FBXO11: variants seen among roughly 807,000 people sequenced by gnomAD.
FBXO11 encodes the protein F-box protein 11.
A neutral mutation model predicts 117.0 loss-of-function variants in FBXO11; 13 were observed. The observed-to-expected ratio is 0.11, with a 90% CI of 0.07 to 0.18. The LOEUF (loss-of-function observed/expected upper bound fraction) is 0.18. FBXO11 is among the 10% of genes least tolerant of loss of function. FBXO11 has a pLI of 1.00. For synonymous variants in FBXO11, 490 were observed against 380.5 expected (o/e 1.29, Z -3.35); for missense variants, 767 against 1,164.4 (o/e 0.66, Z 4.97).
intron 1 of FBXO11, among the ~76,000 whole-genome samples, chr2:47,851,813 G>A (rs2103654398): frequency 6.6e-6 from 1 of 152,270 alleles, no homozygotes; most frequent in East Asian, 1.9e-4. Context: ...GAGCAAGAGT[G>A]AAGTATGAAA....
Position 47,839,429 on chromosome 2 carries a change from T to C in FBXO11, c.432A>G (p.Gln144=), listed in dbSNP as rs746685531. Residue 144 remains glutamine, a synonymous_variant, in exon 3 of 23, where the codon CAA becomes CAG. Coordinates refer to ENST00000403359, the MANE Select transcript of FBXO11 (RefSeq NM_001190274.2). ...AKRARVSGKS[Q]DLSAAPAEQY... ...TCCCACAGGAAATACCTGATAGATC[T>C]TGTGATTTTCCAGACACTCTTGCAC... The C allele has an allele frequency of 1.9e-6, 3 of 1,612,804 alleles. No individual in the cohort carries two copies. The South Asian group carries it at 3.3e-5, about 18-fold the overall frequency.
At position 47,906,186 on chromosome 2, in the gene FBXO11, GAGAA is replaced by G. The variant is rs1678802271; in HGVS notation, c.-470_-467del. ...TGAGGAAGGGAGAAAAAGAGAGGGA[GAGAA>G]GGGAGGGAGGGAGCAGGGGGCGCCC... On this transcript the variant is annotated 5_prime_UTR_variant, in exon 1 of 23. Coordinates refer to ENST00000403359, the MANE Select transcript of FBXO11 (RefSeq NM_001190274.2). The G allele has an allele frequency of 5.8e-6, 1 of 173,554 alleles. No homozygotes were observed. Among genetic ancestry groups the G allele is most frequent in the African/African-American group, 2.4e-5 (1 of 41,536 alleles). The allele number at this position is 173,554 out of a possible 1,614,324, so 10.8% of individuals were successfully genotyped here.
chr2:47,811,872 G>T (rs1670637836), intron 18 of FBXO11, among the ~76,000 whole-genome samples: 1 of 152,200 alleles, frequency 6.6e-6, no homozygotes. Flanking sequence ...CTCCAGAGCA[G>T]CTGGAAGTAC....
chr2:47,864,753 A>G (rs920580503), intron 1 of FBXO11, among the ~76,000 whole-genome samples: 1 of 152,240 alleles, frequency 6.6e-6, no homozygotes, highest in African/African-American at 2.4e-5. Flanking sequence ...GGGCAATGAC[A>G]TATCTATGAA....
chr2:47,870,057 T>G (rs190124374), intron 1 of FBXO11, among the ~76,000 whole-genome samples: 1 of 152,268 alleles, frequency 6.6e-6, no homozygotes, highest in African/African-American at 2.4e-5. Context: ...CAGTGGAAGA[T>G]CTGAATAAAA....
chr2:47,872,095 T>C (rs543930624), intron 1 of FBXO11, among the ~76,000 whole-genome samples: 1 of 152,352 alleles, frequency 6.6e-6, no homozygotes, highest in African/African-American at 2.4e-5. Flanking sequence ...TCCAATGCTC[T>C]GGCTTCCATC....
intron 1 of FBXO11, among the ~76,000 whole-genome samples, chr2:47,841,616 G>A (rs1359636759): frequency 6.6e-6 from 1 of 152,024 alleles, no homozygotes; most frequent in Non-Finnish European, 1.5e-5. Flanking sequence ...AACACATTAA[G>A]AATGTACCCT....
intron 16 of FBXO11, chr2:47,818,420 A>C (rs370724973): frequency 1.6e-5 from 3 of 182,268 alleles, no homozygotes; most frequent in Admixed American, 6.0e-5. Flanking sequence ...AAATAGCATA[A>C]AACAGAAGCT....
intron 16 of FBXO11, chr2:47,814,145 T>C (rs918380074): frequency 6.4e-6 from 2 of 314,068 alleles, no homozygotes; most frequent in Non-Finnish European, 1.2e-5. Context: ...ATATGTAAAA[T>C]GAAGGACTGA....
At chr2:47,891,203 T>C (rs996323231) in intron 1 of FBXO11, among the ~76,000 whole-genome samples, 2 of 152,170 alleles carry the variant, frequency 1.3e-5, no homozygotes, top group Non-Finnish European at 2.9e-5. Context: ...CTGTTGACTA[T>C]AGGTACAATA....
chr2:47,884,415 A>G (rs1384429036), intron 1 of FBXO11, among the ~76,000 whole-genome samples: 1 of 152,208 alleles, frequency 6.6e-6, no homozygotes, highest in Non-Finnish European at 1.5e-5. Context: ...GTCAGTAAGT[A>G]TATTTAAACT....
At chr2:47,822,167 C>T (rs1259997087) in intron 13 of FBXO11, 51 bp downstream of exon 13, 4 of 1,217,336 alleles carry the variant, frequency 3.3e-6, no homozygotes, top group Non-Finnish European at 4.7e-6. Flanking sequence ...TTGCTAATAT[C>T]AAGAAGACAT....
At chr2:47,892,035 G>A (rs148195900) in intron 1 of FBXO11, among the ~76,000 whole-genome samples, 1 of 152,172 alleles carries the variant, frequency 6.6e-6, no homozygotes, top group African/African-American at 2.4e-5. Flanking sequence ...TCAGATATAT[G>A]GTTTGCAAAT....
intron 1 of FBXO11, among the ~76,000 whole-genome samples, chr2:47,903,383 T>A (rs1678447530): frequency 6.6e-6 from 1 of 152,196 alleles, no homozygotes; most frequent in African/African-American, 2.4e-5. Context: ...TCATTTACCA[T>A]TTGGTTGGGT....
In FBXO11 at chr2:47,902,039, G is replaced by C. The variant is rs537657968; in HGVS notation, c.232+3450C>G. Among the ~76,000 whole-genome samples the C allele has an allele frequency of 5.3e-5, 8 of 152,332 alleles. No homozygotes were observed. The South Asian group carries it at 1.7e-3, about 32-fold the overall frequency. ...CAACCTCAGCCTCCCGCGTTCAAGCGATTCTCCTGCCTCAGCCTCCAGAGT... is the reference window on the plus strand; with the variant it reads ...CAACCTCAGCCTCCCGCGTTCAAGCCATTCTCCTGCCTCAGCCTCCAGAGT... On this transcript the variant is annotated intron_variant, in intron 1 of 22. Transcript: ENST00000403359.
chr2:47,827,617 CG>C (rs1160727471), intron 11 of FBXO11, among the ~76,000 whole-genome samples: 2 of 151,952 alleles, frequency 1.3e-5, no homozygotes, highest in South Asian at 4.1e-4. Flanking sequence ...TGCTTCAAGA[CG>C]TATTTTAATA....
In FBXO11 at chr2:47,893,042, C is replaced by G. The variant is rs117309600; in HGVS notation, c.232+12447G>C. On this transcript the variant is annotated intron_variant, in intron 1 of 22. Coordinates refer to ENST00000403359, the MANE Select transcript of FBXO11 (RefSeq NM_001190274.2). Reference sequence around the variant, plus strand: ...TGGTGGCACGTGCCTGTAATCCCAGCTAATCCGGAGGCTGAGGCACAAGAA... The same window carrying G: ...TGGTGGCACGTGCCTGTAATCCCAGGTAATCCGGAGGCTGAGGCACAAGAA... Among the ~76,000 whole-genome samples, 69 of 152,152 alleles carry G rather than the reference C, an allele frequency of 4.5e-4. No homozygotes were observed. In the East Asian group the frequency reaches 0.01, roughly 23 times the overall value.
chr2:47,838,002 G>T (rs995937252), intron 4 of FBXO11, among the ~76,000 whole-genome samples: 1 of 150,640 alleles, frequency 6.6e-6, no homozygotes, highest in Non-Finnish European at 1.5e-5. Flanking sequence ...GAGGTAGAAG[G>T]ATCACTTGAC....
intron 1 of FBXO11, among the ~76,000 whole-genome samples, chr2:47,860,907 C>G (rs1255792142): frequency 7.0e-6 from 1 of 142,762 alleles, no homozygotes; most frequent in Non-Finnish European, 1.5e-5. Flanking sequence ...AGTGCAATGG[C>G]GCAATCTCGG....
Sources: allele counts gnomAD v4.1 joint callset (sites outside exome capture counted in the v4.1 genomes callset), GRCh38; gene constraint gnomAD v4.1.1; transcripts MANE v1.5; gene names NCBI Gene and HGNC (gene_info 2026-07-23, HGNC 2026-07-21).